Variants in MED27 observed in about 807,000 individuals in gnomAD.
The protein encoded by MED27 is mediator complex subunit 27, also known as mediator of RNA polymerase II transcription subunit 27.
Under a neutral mutation model 38.2 loss-of-function variants are expected in MED27, and 30 were observed. The observed-to-expected ratio is 0.79, with a 90% CI of 0.59 to 1.07. MED27 has a LOEUF of 1.07. Among genes scored for constraint, MED27 ranks in the 50% least tolerant of loss-of-function variants. The pLI is 0.00. For synonymous variants in MED27, 122 were observed against 153.5 expected (o/e 0.79, Z 1.52); for missense variants, 289 against 397.5 (o/e 0.73, Z 2.32).
intron 3 of MED27, among the ~76,000 whole-genome samples, chr9:131,988,983 A>C (rs1218870879): frequency 6.6e-6 from 1 of 152,192 alleles, no homozygotes; most frequent in Non-Finnish European, 1.5e-5. Context: ...CAGAACATGT[A>C]GGTTTGTTCC....
intron 3 of MED27, among the ~76,000 whole-genome samples, chr9:131,966,411 G>GGGAAAA (rs1358452357): frequency 1.5e-5 from 1 of 68,396 alleles, no homozygotes; most frequent in East Asian, 4.8e-4. Flanking sequence ...GGAAAGGAAA[G>GGGAAAA]GGAAAAGGAA....
rs145858698 is a variant in MED27, at chr9:131,963,962, C to T, written c.480-24488G>A. Among the ~76,000 whole-genome samples, 744 of 152,116 alleles carry T rather than the reference C, an allele frequency of 4.9e-3. 6 individuals are homozygous for T. Among genetic ancestry groups the T allele is most frequent in the Non-Finnish European group, 8.1e-3 (549 of 68,002 alleles). On this transcript the variant is annotated intron_variant, in intron 3 of 7. Coordinates refer to ENST00000292035, the MANE Select transcript of MED27 (RefSeq NM_004269.4). ...TTCTTGACTGCGTTCCAATTTATTA[C>T]GGGGGTTAAAAAATGAATAGTGAAT...
At chr9:131,906,575 T>C (rs767976552) in intron 4 of MED27, among the ~76,000 whole-genome samples, 37 of 152,326 alleles carry the variant, frequency 2.4e-4, no homozygotes, top group Non-Finnish European at 4.4e-4. Flanking sequence ...AAAAGTGGCA[T>C]GTCTGATGTG....
intron 2 of MED27, among the ~76,000 whole-genome samples, chr9:132,071,266 C>T (rs941899646): frequency 6.6e-6 from 1 of 151,848 alleles, no homozygotes; most frequent in Non-Finnish European, 1.5e-5. Context: ...GGAGCCTACG[C>T]TCTGAACCAC....
chr9:131,969,667 G>C (rs1831432903), intron 3 of MED27, among the ~76,000 whole-genome samples: 1 of 152,120 alleles, frequency 6.6e-6, no homozygotes, highest in South Asian at 2.1e-4. Flanking sequence ...AGACTGCAAG[G>C]ATGAAGAGCA....
chr9:132,069,691 C>T (rs184824681), intron 2 of MED27, among the ~76,000 whole-genome samples: 36 of 152,294 alleles, frequency 2.4e-4, no homozygotes, highest in African/African-American at 5.8e-4. Flanking sequence ...TTTGTTTCCA[C>T]GACCACAGAA....
At chr9:131,954,925 G>A (rs963683104) in intron 3 of MED27, among the ~76,000 whole-genome samples, 1 of 152,096 alleles carries the variant, frequency 6.6e-6, no homozygotes, top group Non-Finnish European at 1.5e-5. Flanking sequence ...GACAGAACAA[G>A]TAGACAGAAA....
chr9:132,054,588 T>C (rs1373611460), intron 2 of MED27, among the ~76,000 whole-genome samples: 17 of 152,064 alleles, frequency 1.1e-4, no homozygotes, highest in Admixed American at 1.1e-3. Flanking sequence ...ACTTTTTTTG[T>C]ATTGTTTGTA....
chr9:132,034,935 C>G (rs1287073030), intron 2 of MED27, among the ~76,000 whole-genome samples: 1 of 152,190 alleles, frequency 6.6e-6, no homozygotes, highest in Non-Finnish European at 1.5e-5. Flanking sequence ...GTACCATAAT[C>G]AGTTCACCGG....
intron 4 of MED27, among the ~76,000 whole-genome samples, chr9:131,929,380 C>T (rs1478697627): frequency 2.6e-5 from 4 of 152,138 alleles, no homozygotes; most frequent in African/African-American, 9.7e-5. Context: ...CCTTAGGTAC[C>T]AGCTTGGCTA....
Position 131,861,975 on chromosome 9 carries a change from C to T in MED27, c.801+1088G>A, listed in dbSNP as rs893784698. 2.6e-5 allele frequency among the ~76,000 whole-genome samples: 4 copies of T among 152,104 alleles called. No homozygotes were observed. Among genetic ancestry groups the T allele is most frequent in the Non-Finnish European group, 4.4e-5 (3 of 68,030 alleles). On this transcript the variant is annotated intron_variant, in intron 7 of 7. Transcript: ENST00000292035. This position sits in a 1 kb window ranked among gnomAD's most constrained non-coding sequence, Gnocchi z 4.4. ...ACCAAAGGGAAAGGGGGCATTACAACGTGTTAGGCTCAAAAGCAAGTCTTT... is the reference window on the plus strand; with the variant it reads ...ACCAAAGGGAAAGGGGGCATTACAATGTGTTAGGCTCAAAAGCAAGTCTTT...
chr9:132,002,829 C>T (rs553497275), intron 3 of MED27, among the ~76,000 whole-genome samples: 1 of 147,102 alleles, frequency 6.8e-6, no homozygotes, highest in East Asian at 2.0e-4. Flanking sequence ...ACAGCAGAAC[C>T]GTTTGAACCT....
At chr9:131,863,289 T>A in intron 6 of MED27, 149 bp from the exon 7 acceptor site, 1 of 669,154 alleles carries the variant, frequency 1.5e-6, no homozygotes, top group Non-Finnish European at 2.5e-6. Context: ...GTAGAAAAAT[T>A]AGTTAGCAGA....
intron 3 of MED27, among the ~76,000 whole-genome samples, chr9:131,956,194 C>T (rs1450609458): frequency 6.6e-6 from 1 of 152,060 alleles, no homozygotes; most frequent in Non-Finnish European, 1.5e-5. Context: ...TCTGATTCCA[C>T]TTTTAGGATA....
intron 4 of MED27, among the ~76,000 whole-genome samples, chr9:131,916,687 CTA>C (rs1223458081): frequency 6.6e-6 from 1 of 152,106 alleles, no homozygotes; most frequent in Non-Finnish European, 1.5e-5. Context: ...CTCTGGCATG[CTA>C]TGTCATGAGG....
intron 6 of MED27, among the ~76,000 whole-genome samples, chr9:131,870,654 G>A (rs934884760): frequency 1.3e-5 from 2 of 152,140 alleles, no homozygotes; most frequent in Non-Finnish European, 2.9e-5. Context: ...GGTGGACAGG[G>A]GTTGTGGGGG....
At chr9:132,075,477 AC>A (rs1834026392) in intron 2 of MED27, among the ~76,000 whole-genome samples, 1 of 152,156 alleles carries the variant, frequency 6.6e-6, no homozygotes, top group Non-Finnish European at 1.5e-5. Flanking sequence ...GATATTTTTA[AC>A]CTGTAGCATT....
At chr9:132,070,419 T>C (rs1239914279) in intron 2 of MED27, among the ~76,000 whole-genome samples, 1 of 152,092 alleles carries the variant, frequency 6.6e-6, no homozygotes, top group Non-Finnish European at 1.5e-5. Flanking sequence ...TAGCTGGGCG[T>C]GGGTGTGCAT....
At chr9:131,884,345 C>T (rs1477693466) in intron 5 of MED27, among the ~76,000 whole-genome samples, 1 of 152,212 alleles carries the variant, frequency 6.6e-6, no homozygotes, top group Non-Finnish European at 1.5e-5. Context: ...CTGCTGCTTC[C>T]AAGGCTCCTG....
Sources: allele counts gnomAD v4.1 joint callset (sites outside exome capture counted in the v4.1 genomes callset), GRCh38; gene constraint gnomAD v4.1.1; non-coding constraint Gnocchi (gnomAD v3.1); transcripts MANE v1.5; gene names NCBI Gene and HGNC (gene_info 2026-07-23, HGNC 2026-07-21).